Variants in VBP1 observed in about 807,000 individuals in gnomAD.
VBP1 encodes prefoldin subunit 3.
In VBP1, 4 loss-of-function variants were observed where a neutral mutation model predicts 15.5. That is an observed-to-expected ratio of 0.26 (90% confidence interval 0.13 to 0.59). The LOEUF (loss-of-function observed/expected upper bound fraction) is 0.59, where lower values mean the gene tolerates loss of function less well. VBP1 is among the 20% of genes least tolerant of loss of function. The pLI is 0.90. For missense variants in VBP1, 108 were observed against 139.6 expected (o/e 0.77, Z 1.14); for synonymous variants, 61 against 52.1 (o/e 1.17, Z -0.74).
chrX:155,201,029 C>T (rs1339895564), intron 1 of VBP1, among the ~76,000 whole-genome samples: 8 of 111,473 alleles, frequency 7.2e-5, no homozygotes, highest in South Asian at 7.5e-4. Context: ...ATAAATTCCT[C>T]GACACATACA....
chrX:155,226,838 A>G lies in VBP1; in HGVS notation c.219-397A>G, dbSNP rs183454616. Among the ~76,000 whole-genome samples the G allele has an allele frequency of 1.3e-4, 14 of 111,998 alleles. No homozygotes were observed. The East Asian group carries it at 3.9e-3, about 31-fold the overall frequency. ...AAAATTTCATTCTAATCAAATGCAG[A>G]ACCTATGAATCACCTCTGTGGAATA... On this transcript the variant is annotated intron_variant, in intron 2 of 5. Coordinates refer to ENST00000286428, the MANE Select transcript of VBP1 (RefSeq NM_003372.7).
At chrX:155,216,724 G>A in intron 1 of VBP1, 149 bp downstream of exon 1, 1 of 807,766 alleles carries the variant, frequency 1.2e-6, no homozygotes. Context: ...CCTCGCACCT[G>A]GACAGATTGA....
rs146610818 is a variant in VBP1, at chrX:155,200,811, G to T, written c.-31+3672G>T. 4.0e-3 allele frequency among the ~76,000 whole-genome samples: 445 copies of T among 110,805 alleles called. 7 individuals carry two copies. Among genetic ancestry groups the T allele is most frequent in the Admixed American group, 0.036 (379 of 10,404 alleles). On this transcript the variant is annotated intron_variant, in intron 1 of 6. Coordinates refer to the VBP1 transcript ENST00000535916. Reference sequence around the variant, plus strand: ...ACAAAAAACCCTTCAAAAAGTTAATGAATCCAGGAGATGGTTTTTTGAAAG... The same window carrying T: ...ACAAAAAACCCTTCAAAAAGTTAATTAATCCAGGAGATGGTTTTTTGAAAG...
chrX:155,220,304 G>C lies in VBP1; in HGVS notation c.215G>C (p.Arg72Thr). ...GAACTCAACCTTGCTCAAAAGAAAAGAAGGTAAGTGTAAAAATTTCTAAGT... is the reference window on the plus strand; with the variant it reads ...GAACTCAACCTTGCTCAAAAGAAAACAAGGTAAGTGTAAAAATTTCTAAGT... Reference protein sequence around the residue: ...FMELNLAQKKRRLKGQIPEIK... With the variant: ...FMELNLAQKKTRLKGQIPEIK... The change falls in exon 2 of 6, where the codon AGA (arginine) becomes ACA (threonine). Residue 72 changes from arginine (R) to threonine (T), a missense_variant. Arg to Thr is a moderately conservative substitution (Grantham distance 71). Transcript: ENST00000286428. 2 of 1,150,038 alleles carry C rather than the reference G, an allele frequency of 1.7e-6. No homozygotes were observed. The highest frequency in any genetic ancestry group is 4.3e-5 in the South Asian group (2 of 46,992). 94.8% of individuals were successfully genotyped at this position (1,150,038 alleles called of 1,213,427 possible).
Position 155,238,768 on chromosome X carries a change from G to A in VBP1, c.524-4G>A, listed in dbSNP as rs2124105982. 8.3e-7 allele frequency: 1 copy of A among 1,197,697 alleles called. No homozygotes were observed. The highest frequency in any genetic ancestry group is 3.0e-5 in the East Asian group (1 of 33,122). On this transcript the variant is annotated splice_polypyrimidine_tract_variant and splice_region_variant and intron_variant, in intron 5 of 5. Transcript: ENST00000286428. ...ATTTGCATTTTCTTTGACAATTCTT[G>A]CAGATATGGCCAGGGTTTATAATTG...
upstream of VBP1, among the ~76,000 whole-genome samples, chrX:155,214,975 G>A (rs782524766): frequency 3.2e-4 from 35 of 110,411 alleles, no homozygotes; most frequent in African/African-American, 1.1e-3. Flanking sequence ...AAACATGAGC[G>A]ATAAGCTGAT....
chrX:155,238,830 G>T lies in VBP1; in HGVS notation c.582G>T (p.Lys194Asn). 8.3e-7 allele frequency: 1 copy of T among 1,203,154 alleles called. No individual in the cohort carries two copies. The highest frequency in any genetic ancestry group is 1.8e-5 in the South Asian group (1 of 55,363). Residue 194 changes from lysine (K) to asparagine (N), a missense_variant, in exon 6 of 6, where the codon AAG becomes AAT. Transcript: ENST00000286428. The stretch of plus-strand genomic sequence containing the variant: ...GAAGAAACAAGGATGACTCTACCAA[G>T]AACAAAGCATAATGCTGGCAATTAA... The part of the protein sequence containing the change: ...VKRRNKDDST[K>N]NKA
At chrX:155,230,968 G>A (rs1202836562) in intron 4 of VBP1, among the ~76,000 whole-genome samples, 3 of 111,970 alleles carry the variant, frequency 2.7e-5, no homozygotes, top group African/African-American at 6.5e-5. Flanking sequence ...ATGAGCCACC[G>A]TGTCCAGTCT....
intron 1 of VBP1, chrX:155,208,831 A>G (rs1347410832): frequency 2.2e-6 from 2 of 907,627 alleles, no homozygotes; most frequent in Non-Finnish European, 3.1e-6. Context: ...GCAATTAAAT[A>G]CTAATTAATT....
At chrX:155,200,622 A>G (rs1292287079) in intron 1 of VBP1, among the ~76,000 whole-genome samples, 3 of 107,591 alleles carry the variant, frequency 2.8e-5, no homozygotes, top group African/African-American at 1.0e-4. Context: ...GTGTAGAGGG[A>G]AATTTATAGC....
chrX:155,198,516 T>C (rs969389113), intron 1 of VBP1, among the ~76,000 whole-genome samples: 2 of 111,622 alleles, frequency 1.8e-5, no homozygotes, highest in Non-Finnish European at 3.8e-5. Context: ...AGTGGACCTC[T>C]AGCAAACTCC....
At chrX:155,235,342 A>G (rs1370047547) in intron 4 of VBP1, among the ~76,000 whole-genome samples, 2 of 111,704 alleles carry the variant, frequency 1.8e-5, no homozygotes, top group Non-Finnish European at 3.8e-5. Flanking sequence ...TATTTGGTCA[A>G]TAAGTATTTA....
chrX:155,233,511 T>C (rs1315445177), intron 4 of VBP1, among the ~76,000 whole-genome samples: 1 of 112,522 alleles, frequency 8.9e-6, no homozygotes, highest in Non-Finnish European at 1.9e-5. Context: ...CTAGGCAGTC[T>C]GTATATTAAG....
chrX:155,211,322 C>T (rs1428879642), intron 2 of VBP1, among the ~76,000 whole-genome samples: 2 of 112,261 alleles, frequency 1.8e-5, no homozygotes, highest in Non-Finnish European at 3.8e-5. Flanking sequence ...CAATGTTGAG[C>T]ACATTGTACA....
At chrX:155,217,525 A>G (rs782423783) in intron 1 of VBP1, among the ~76,000 whole-genome samples, 7 of 111,560 alleles carry the variant, frequency 6.3e-5, no homozygotes, top group Middle Eastern at 9.3e-3. Context: ...CCTTTTTTTT[A>G]CTAACTACGT....
At chrX:155,215,429 G>A (rs1245086129), upstream of VBP1, among the ~76,000 whole-genome samples, 1 of 111,770 alleles carries the variant, frequency 8.9e-6, no homozygotes, top group African/African-American at 3.3e-5. Flanking sequence ...TGGAATTCCG[G>A]CTTCACTACT....
intron 4 of VBP1, among the ~76,000 whole-genome samples, chrX:155,231,955 ATTG>A (rs199649012): frequency 1.8e-5 from 2 of 111,934 alleles, no homozygotes; most frequent in South Asian, 3.7e-4. Flanking sequence ...TTGAAATGGA[ATTG>A]TTGTGTCTAA....
intron 1 of VBP1, among the ~76,000 whole-genome samples, chrX:155,204,653 A>T (rs1338356130): frequency 8.9e-6 from 1 of 112,286 alleles, no homozygotes; most frequent in Non-Finnish European, 1.9e-5. Flanking sequence ...AACCCTGGAA[A>T]TGGGGATGAA....
chrX:155,201,203 C>A (rs2074601917), intron 1 of VBP1, among the ~76,000 whole-genome samples: 1 of 110,530 alleles, frequency 9.0e-6, no homozygotes, highest in East Asian at 2.8e-4. Flanking sequence ...TGGTACCATT[C>A]CTTCTGAAAC....
Sources: gnomAD v4.1 joint callset for allele counts (sites outside exome capture counted in the v4.1 genomes callset) on GRCh38, gnomAD v4.1.1 for gene constraint, MANE v1.5 for transcripts, NCBI Gene and HGNC (gene_info 2026-07-23, HGNC 2026-07-21) for gene names.